The following COL24A1 variants were observed in gnomAD, a reference collection of about 807,000 sequenced individuals.
COL24A1 encodes collagen alpha-1(XXIV) chain.
In COL24A1, 224 loss-of-function variants were observed where a neutral mutation model predicts 253.9. The ratio of observed to expected loss-of-function variants is 0.88; its 90% confidence interval spans 0.79 to 0.99. COL24A1 has a LOEUF of 0.99. Among genes scored for constraint, COL24A1 ranks in the 50% least tolerant of loss-of-function variants. The pLI is 0.00. For missense variants in COL24A1, 2,131 were observed against 2,068.5 expected, an observed-to-expected ratio of 1.03 and a Z score of -0.59; for synonymous variants, 685 against 673.7, an observed-to-expected ratio of 1.02 and a Z score of -0.26.
At chr1:86,127,147 T>C (rs924046145) in intron 2 of COL24A1, among the ~76,000 whole-genome samples, 1 of 152,118 alleles carries the variant, frequency 6.6e-6, no homozygotes, top group Non-Finnish European at 1.5e-5. Context: ...ATTCATTTTA[T>C]TGGTGATCAC....
chr1:85,976,470 T>A (rs1692693191), intron 20 of COL24A1, among the ~76,000 whole-genome samples: 1 of 151,660 alleles, frequency 6.6e-6, no homozygotes, highest in South Asian at 2.1e-4. Context: ...CCCACAGGAG[T>A]GTGGCAAGCC....
chr1:85,760,128 G>A (rs1380797309), intron 55 of COL24A1, among the ~76,000 whole-genome samples: 1 of 151,760 alleles, frequency 6.6e-6, no homozygotes, highest in Non-Finnish European at 1.5e-5. Flanking sequence ...GCTGGAGTGC[G>A]GTGGCATGAT....
At chr1:86,098,295 G>A (rs1704160942) in intron 5 of COL24A1, among the ~76,000 whole-genome samples, 1 of 152,018 alleles carries the variant, frequency 6.6e-6, no homozygotes, top group South Asian at 2.1e-4. Flanking sequence ...AAGAAGAAAG[G>A]AAGGAAAGAC....
At chr1:86,099,673 G>A (rs143306079) in intron 5 of COL24A1, among the ~76,000 whole-genome samples, 1 of 152,212 alleles carries the variant, frequency 6.6e-6, no homozygotes, top group East Asian at 1.9e-4. Context: ...AATTCAAAAT[G>A]TATCTAGATT....
intron 7 of COL24A1, among the ~76,000 whole-genome samples, chr1:86,069,337 T>G (rs1046540889): frequency 6.6e-6 from 1 of 152,268 alleles, no homozygotes; most frequent in Middle Eastern, 3.4e-3. Context: ...CCCCATGGAC[T>G]AGTGGTGGTG....
chr1:86,133,608 C>G (rs1413079297), intron 2 of COL24A1, among the ~76,000 whole-genome samples: 1 of 152,178 alleles, frequency 6.6e-6, no homozygotes, highest in East Asian at 1.9e-4. Context: ...TTGAGATAAT[C>G]ATGTGGTTTT....
rs139716049 is a variant in COL24A1 at position 85,802,353 on chromosome 1, G to A, written c.3951+14435C>T. 8.4e-3 allele frequency among the ~76,000 whole-genome samples: 1,279 copies of A among 152,140 alleles called. 58 individuals are homozygous for A. The highest frequency in any genetic ancestry group is 0.065 in the Admixed American group (993 of 15,254). On this transcript the variant is annotated intron_variant, in intron 47 of 59. Coordinates refer to ENST00000370571, the MANE Select transcript of COL24A1 (RefSeq NM_152890.7). ...ACACCTTGCTCACCAAACTTTAGCCGTACTGGTCTTTTTTTGATTCTTTAA... is the reference window on the plus strand; with the variant it reads ...ACACCTTGCTCACCAAACTTTAGCCATACTGGTCTTTTTTTGATTCTTTAA...
intron 35 of COL24A1, among the ~76,000 whole-genome samples, chr1:85,869,036 CAG>C (rs1400711472): frequency 6.6e-6 from 1 of 152,000 alleles, no homozygotes; most frequent in African/African-American, 2.4e-5. Flanking sequence ...TTTCATGATT[CAG>C]AGTGTCATAA....
At chr1:85,775,274 G>A (rs1031564389) in intron 53 of COL24A1, among the ~76,000 whole-genome samples, 4 of 152,140 alleles carry the variant, frequency 2.6e-5, no homozygotes, top group African/African-American at 9.7e-5. Context: ...ATTTGCTGAG[G>A]AGTGTTTCAC....
intron 11 of COL24A1, among the ~76,000 whole-genome samples, chr1:86,048,530 G>A (rs1005076428): frequency 6.8e-6 from 1 of 146,742 alleles, no homozygotes; most frequent in Non-Finnish European, 1.5e-5. Context: ...TTGCTCTGTT[G>A]CCCAGGCTGG....
chr1:85,869,956 T>G lies in COL24A1; in HGVS notation c.3139-1121A>C, dbSNP rs549830430. Among the ~76,000 whole-genome samples, 9 of 152,232 alleles carry G rather than the reference T, an allele frequency of 5.9e-5. No homozygotes were observed. In the South Asian group the frequency reaches 1.9e-3, roughly 32 times the overall value. Reference sequence around the variant, plus strand: ...GTGTGCTGTATTCAGGAAACCCATCTCATGTGCAGAGACACACGATGGCTC... The same window carrying G: ...GTGTGCTGTATTCAGGAAACCCATCGCATGTGCAGAGACACACGATGGCTC... On this transcript the variant is annotated intron_variant, in intron 35 of 59. Transcript: ENST00000370571.
At chr1:85,910,151 T>C in intron 25 of COL24A1, 148 bp from the exon 26 acceptor site, 1 of 497,550 alleles carries the variant, frequency 2.0e-6, no homozygotes, top group South Asian at 3.9e-5. Flanking sequence ...AATTTACAAA[T>C]TTGGCGCTTT....
chr1:85,983,477 G>T (rs544385030), intron 20 of COL24A1, among the ~76,000 whole-genome samples: 1 of 151,810 alleles, frequency 6.6e-6, no homozygotes, highest in African/African-American at 2.4e-5. Context: ...AAAATGAACA[G>T]AAAATAAAAG....
chr1:85,933,453 A>G (rs975056205), intron 24 of COL24A1, among the ~76,000 whole-genome samples: 3 of 152,188 alleles, frequency 2.0e-5, no homozygotes, highest in Admixed American at 6.5e-5. Flanking sequence ...TGCTGGCAGG[A>G]TTAATCTTCT....
intron 12 of COL24A1, among the ~76,000 whole-genome samples, chr1:86,044,428 A>G (rs1255650776): frequency 6.6e-6 from 1 of 152,216 alleles, no homozygotes; most frequent in Non-Finnish European, 1.5e-5. Flanking sequence ...GAAAAAGTAC[A>G]TATAGCATAC....
Position 85,987,672 on chromosome 1 carries a change from G to A in COL24A1, c.2311-18C>T, listed in dbSNP as rs2100924993. Reference sequence around the variant, plus strand: ...GGAAAACCCTAGGGAATATAAAAATGTAGCGTTTATTCCATAGAAAATTAC... The same window carrying A: ...GGAAAACCCTAGGGAATATAAAAATATAGCGTTTATTCCATAGAAAATTAC... On this transcript the variant is annotated intron_variant, in intron 19 of 59. Coordinates refer to ENST00000370571, the MANE Select transcript of COL24A1 (RefSeq NM_152890.7). 6.2e-7 allele frequency: 1 copy of A among 1,600,982 alleles called. No individual in the cohort carries two copies. Among genetic ancestry groups the A allele is most frequent in the African/African-American group, 1.3e-5 (1 of 74,414 alleles).
intron 32 of COL24A1, 86 bp downstream of exon 32, chr1:85,889,474 C>A: frequency 8.9e-7 from 1 of 1,119,828 alleles, no homozygotes. Flanking sequence ...TAAAACATAC[C>A]AGTCACAGCA....
chr1:85,906,341 TAAATC>T (rs1332776286), intron 28 of COL24A1, among the ~76,000 whole-genome samples: 2 of 148,124 alleles, frequency 1.4e-5, no homozygotes, highest in Non-Finnish European at 3.0e-5. Flanking sequence ...CTCTAAAACT[TAAATC>T]AAAGTAAGGT....
At chr1:85,739,513 T>C (rs905035987) in intron 57 of COL24A1, among the ~76,000 whole-genome samples, 1 of 152,234 alleles carries the variant, frequency 6.6e-6, no homozygotes, top group African/African-American at 2.4e-5. Flanking sequence ...CAAGGCATCT[T>C]TCTTGCTCTT....
Sources: allele counts gnomAD v4.1 joint callset (sites outside exome capture counted in the v4.1 genomes callset), GRCh38; gene constraint gnomAD v4.1.1; transcripts MANE v1.5; gene names NCBI Gene and HGNC (gene_info 2026-07-23, HGNC 2026-07-21).